PKIB: variants seen among roughly 807,000 people sequenced by gnomAD.
PKIB encodes the protein cAMP-dependent protein kinase inhibitor beta.
PKIB carries 2 observed loss-of-function variants against 4.5 expected under a neutral mutation model. The observed-to-expected ratio is 0.44, with a 90% CI of 0.18 to 1.39. The LOEUF is 1.39. PKIB is among the 40% of genes most tolerant of loss of function. The pLI, the probability that PKIB is intolerant of heterozygous loss-of-function variation, is 0.27. For missense variants in PKIB, 94 were observed against 92.6 expected (o/e 1.02, Z -0.06); for synonymous variants, 38 against 36.0 (o/e 1.06, Z -0.20).
chr6:122,686,727 G>GAT (rs2114988046), intron 3 of PKIB, among the ~76,000 whole-genome samples: 1 of 152,158 alleles, frequency 6.6e-6, no homozygotes, highest in African/African-American at 2.4e-5. Context: ...GTGCAGAAGT[G>GAT]ATTCTCCTGC....
At chr6:122,669,602 A>G (rs544387619) in intron 2 of PKIB, among the ~76,000 whole-genome samples, 200 of 152,290 alleles carry the variant, frequency 1.3e-3, no homozygotes, top group African/African-American at 4.7e-3. Context: ...TATACTATAC[A>G]AAATTGCTGA....
At chr6:122,662,337 T>TTTTTTG (rs1777036002) in intron 2 of PKIB, among the ~76,000 whole-genome samples, 1 of 129,812 alleles carries the variant, frequency 7.7e-6, no homozygotes, top group Non-Finnish European at 1.6e-5. Flanking sequence ...TTTTTTTTTT[T>TTTTTTG]GGAGATTCAT....
At chr6:122,682,263 G>A (rs1777924202) in intron 3 of PKIB, among the ~76,000 whole-genome samples, 1 of 152,116 alleles carries the variant, frequency 6.6e-6, no homozygotes, top group African/African-American at 2.4e-5. Context: ...AGTTTTGTCA[G>A]GCGGCTGGCC....
intron 2 of PKIB, among the ~76,000 whole-genome samples, chr6:122,495,904 C>G (rs965527325): frequency 1.3e-5 from 2 of 152,116 alleles, no homozygotes; most frequent in Non-Finnish European, 2.9e-5. Context: ...CTGCTGCAGC[C>G]TCTCCCCCAC....
chr6:122,544,755 T>C (rs1772438616), intron 2 of PKIB, among the ~76,000 whole-genome samples: 1 of 151,910 alleles, frequency 6.6e-6, no homozygotes, highest in Non-Finnish European at 1.5e-5. Context: ...CTGTCAATGG[T>C]CTAATATCCA....
intron 1 of PKIB, among the ~76,000 whole-genome samples, chr6:122,611,119 C>G (rs961245884): frequency 7.2e-5 from 11 of 152,228 alleles, no homozygotes; most frequent in Non-Finnish European, 1.6e-4. Context: ...TTTCCCTGCT[C>G]CTAGGACCCC....
At chr6:122,572,617 AAAC>A (rs1773400303) in intron 2 of PKIB, among the ~76,000 whole-genome samples, 1 of 151,854 alleles carries the variant, frequency 6.6e-6, no homozygotes, top group African/African-American at 2.4e-5. Context: ...AGGAAAAAAA[AAAC>A]AAAGATCAGA....
At chr6:122,574,671 G>A (rs973995292) in intron 2 of PKIB, among the ~76,000 whole-genome samples, 1 of 151,964 alleles carries the variant, frequency 6.6e-6, no homozygotes, top group Admixed American at 6.6e-5. Context: ...TTCAATAAAT[G>A]GTGATGGGAA....
chr6:122,653,914 C>T (rs1562286851), intron 2 of PKIB, among the ~76,000 whole-genome samples: 2 of 152,076 alleles, frequency 1.3e-5, no homozygotes, highest in East Asian at 1.9e-4. Context: ...GCGGAGATCG[C>T]GCCATTACAC....
At chr6:122,614,569 T>C (rs1327571157) in intron 1 of PKIB, among the ~76,000 whole-genome samples, 1 of 152,012 alleles carries the variant, frequency 6.6e-6, no homozygotes, top group African/African-American at 2.4e-5. Context: ...TTCTTTTTTT[T>C]TGGATAAAGT....
chr6:122,524,184 ATCC>A (rs1185781237), intron 2 of PKIB, among the ~76,000 whole-genome samples: 3 of 67,632 alleles, frequency 4.4e-5, no homozygotes, highest in Admixed American at 1.9e-4. Context: ...CCTCCTCTTC[ATCC>A]TCCTCTTCTT....
At chr6:122,599,954 C>T (rs1008663166) in intron 3 of PKIB, among the ~76,000 whole-genome samples, 3 of 151,890 alleles carry the variant, frequency 2.0e-5, no homozygotes, top group African/African-American at 7.3e-5. Context: ...GGTTATTTTA[C>T]AGGGACAGAA....
chr6:122,542,689 G>T (rs1052045074), intron 2 of PKIB, among the ~76,000 whole-genome samples: 2 of 152,106 alleles, frequency 1.3e-5, no homozygotes, highest in South Asian at 4.1e-4. Context: ...GAGGCAGTCT[G>T]CCTTTTCTCA....
chr6:122,723,860 C>A (rs1258080022), intron 4 of PKIB, among the ~76,000 whole-genome samples: 1 of 152,160 alleles, frequency 6.6e-6, no homozygotes, highest in Non-Finnish European at 1.5e-5. Context: ...TCTTCATTAG[C>A]CCTTTTTACT....
chr6:122,610,012 G>A (rs1350715451), upstream of PKIB, among the ~76,000 whole-genome samples: 2 of 152,084 alleles, frequency 1.3e-5, no homozygotes, highest in Non-Finnish European at 2.9e-5. Context: ...CTCAGGGCGC[G>A]TACAACCGGA....
chr6:122,531,237 A>G (rs1250941914), intron 2 of PKIB: 1 of 152,180 alleles, frequency 6.6e-6, no homozygotes, highest in Non-Finnish European at 1.5e-5. Context: ...ATACAAAATT[A>G]GTTTCTGCTG....
At chr6:122,556,823 C>T (rs921420384) in intron 2 of PKIB, among the ~76,000 whole-genome samples, 10 of 152,222 alleles carry the variant, frequency 6.6e-5, no homozygotes, top group African/African-American at 2.4e-4. Context: ...GTTACCAAGC[C>T]ACATGTGCTA....
intron 3 of PKIB, among the ~76,000 whole-genome samples, chr6:122,703,455 A>G (rs1778915928): frequency 6.6e-6 from 1 of 152,018 alleles, no homozygotes; most frequent in Non-Finnish European, 1.5e-5. Context: ...TTTTATTTCA[A>G]TTATTAAAAC....
At chr6:122,702,482 C>T (rs1411776013) in intron 3 of PKIB, among the ~76,000 whole-genome samples, 2 of 151,902 alleles carry the variant, frequency 1.3e-5, no homozygotes, top group Non-Finnish European at 2.9e-5. Flanking sequence ...GCACACACCA[C>T]CACACCCAGC....
Sources: allele counts gnomAD v4.1 joint callset (sites outside exome capture counted in the v4.1 genomes callset), GRCh38; gene constraint gnomAD v4.1.1; transcripts MANE v1.5; gene names NCBI Gene and HGNC (gene_info 2026-07-23, HGNC 2026-07-21).